PHEX: variants seen among roughly 807,000 people sequenced by gnomAD.
PHEX encodes the protein phosphate regulating endopeptidase X-linked.
Under a neutral mutation model 68.0 loss-of-function variants are expected in PHEX, and 16 were observed. The ratio of observed to expected loss-of-function variants is 0.24; its 90% CI spans 0.16 to 0.36. The LOEUF is 0.36. Ranked by LOEUF, PHEX falls within the 10% of genes least tolerant of loss-of-function variation. The probability of loss-of-function intolerance (pLI) is 1.00; values close to 1 mark genes in which losing one functional copy is unlikely to be tolerated. For synonymous variants in PHEX, 208 were observed against 205.1 expected, an observed-to-expected ratio of 1.01 and a Z score of -0.12; for missense variants, 480 against 575.5, an observed-to-expected ratio of 0.83 and a Z score of 1.70.
intron 12 of PHEX, among the ~76,000 whole-genome samples, chrX:22,150,651 C>G (rs776228102): frequency 4.1e-4 from 46 of 112,259 alleles, no homozygotes; most frequent in Non-Finnish European, 7.7e-4. Context: ...CAGGCTGTGA[C>G]TTGCCAACTT....
intron 12 of PHEX, among the ~76,000 whole-genome samples, chrX:22,153,989 G>A (rs1373098539): frequency 9.0e-6 from 1 of 111,583 alleles, no homozygotes; most frequent in Non-Finnish European, 1.9e-5. Context: ...ACTTACAGCT[G>A]CAAAGCATTT....
chrX:22,104,143 GA>G (rs1331340542), intron 9 of PHEX, among the ~76,000 whole-genome samples: 1 of 111,635 alleles, frequency 9.0e-6, no homozygotes, highest in African/African-American at 3.3e-5. Flanking sequence ...TTTTTGATGG[GA>G]TTGTTTGTTT....
chrX:22,138,479 C>G (rs1235147169), intron 12 of PHEX, among the ~76,000 whole-genome samples: 1 of 111,746 alleles, frequency 8.9e-6, no homozygotes, highest in Non-Finnish European at 1.9e-5. Flanking sequence ...TCCTGGGAGT[C>G]TAGGGGAGCT....
At chrX:22,200,815 G>A (rs1934526540) in intron 15 of PHEX, among the ~76,000 whole-genome samples, 1 of 110,452 alleles carries the variant, frequency 9.1e-6, no homozygotes, top group Non-Finnish European at 1.9e-5. Flanking sequence ...CAGCCAGGAG[G>A]TGAGAGTGAG....
At chrX:22,093,355 A>G (rs1156403105) in intron 6 of PHEX, among the ~76,000 whole-genome samples, 5 of 112,037 alleles carry the variant, frequency 4.5e-5, no homozygotes, top group Admixed American at 9.5e-5. Flanking sequence ...AAATGGGTTT[A>G]TGAGTATGTA....
At chrX:22,187,347 C>T (rs1225955143) in intron 14 of PHEX, among the ~76,000 whole-genome samples, 1 of 111,706 alleles carries the variant, frequency 9.0e-6, no homozygotes, top group Non-Finnish European at 1.9e-5. Flanking sequence ...ACTCTTTGTT[C>T]TCAGAGGGAT....
In PHEX at chrX:22,249,455, A is replaced by AAAAATATATATATATATATATAT; in HGVS notation, c.*1503_*1504insAAATATATATATATATATATATA. The stretch of plus-strand genomic sequence containing the variant: ...TTGTGATTCTTTTAAAAAAAAAAAA[A>AAAAATATATATATATATATATAT]ATATATATATATATATATATATATA... On this transcript the variant is annotated 3_prime_UTR_variant, in exon 22 of 22. Coordinates refer to ENST00000379374, the MANE Select transcript of PHEX (RefSeq NM_000444.6). The AAAAATATATATATATATATATAT allele has an allele frequency of 1.0e-4, 4 of 39,750 alleles. No homozygotes were observed. The highest frequency in any genetic ancestry group is 1.7e-4 in the African/African-American group (1 of 6,017). The allele number at this position is 39,750 out of a possible 1,213,427, so 3.3% of individuals were successfully genotyped here.
At chrX:22,236,574 C>T (rs1019105328) in intron 20 of PHEX, among the ~76,000 whole-genome samples, 4 of 112,852 alleles carry the variant, frequency 3.5e-5, no homozygotes, top group African/African-American at 1.3e-4. Flanking sequence ...CAAACTAGGG[C>T]CAAATATGGC....
At chrX:22,176,967 C>T (rs1933731088) in intron 13 of PHEX, among the ~76,000 whole-genome samples, 1 of 110,975 alleles carries the variant, frequency 9.0e-6, no homozygotes, top group African/African-American at 3.3e-5. Flanking sequence ...AATTTGTTGG[C>T]CAAGCAGAAC....
intron 15 of PHEX, among the ~76,000 whole-genome samples, chrX:22,198,729 T>A (rs149562862): frequency 0.013 from 1,494 of 111,423 alleles, 26 homozygotes; most frequent in African/African-American, 0.047. Context: ...GTGGGTCATG[T>A]CAAAGAACAG....
At chrX:22,147,262 A>G (rs1417584985) in intron 12 of PHEX, among the ~76,000 whole-genome samples, 10 of 111,264 alleles carry the variant, frequency 9.0e-5, no homozygotes, top group Non-Finnish European at 1.9e-5. Flanking sequence ...TTGACTTTTA[A>G]TTTCATGGGG....
intron 20 of PHEX, among the ~76,000 whole-genome samples, chrX:22,228,389 C>G (rs746684043): frequency 1.8e-5 from 2 of 111,951 alleles, no homozygotes; most frequent in Non-Finnish European, 3.8e-5. Context: ...ACCTTTTGTT[C>G]CTAAGTCTGT....
intron 12 of PHEX, among the ~76,000 whole-genome samples, chrX:22,139,637 C>T (rs772486109): frequency 6.2e-4 from 68 of 109,274 alleles, no homozygotes; most frequent in African/African-American, 2.2e-3. Context: ...CCCCACCCAC[C>T]TTAGCCTTCT....
chrX:22,090,846 C>T (rs916721307), intron 6 of PHEX, among the ~76,000 whole-genome samples: 1 of 111,862 alleles, frequency 8.9e-6, no homozygotes, highest in Non-Finnish European at 1.9e-5. Flanking sequence ...ACCCAGGAGA[C>T]AGATGGTTCC....
At position 22,060,589 on chromosome X, in the gene PHEX, G is replaced by GA. The variant is rs1278520679; in HGVS notation, c.349+13385dup. Reference sequence around the variant, plus strand: ...AATGCTATGCATGGGAATATTGGCTGAAAAAAATGAATGGGAAAGCAGACA... The same window carrying GA: ...AATGCTATGCATGGGAATATTGGCTGAAAAAAAATGAATGGGAAAGCAGACA... On this transcript the variant is annotated intron_variant, in intron 3 of 21. Coordinates refer to ENST00000379374, the MANE Select transcript of PHEX (RefSeq NM_000444.6). 2.7e-4 allele frequency among the ~76,000 whole-genome samples: 30 copies of GA among 111,886 alleles called. 1 individual carries two copies. Among genetic ancestry groups the GA allele is most frequent in the Non-Finnish European group, 7.5e-5 (4 of 53,121 alleles).
chrX:22,227,424 A>G (rs1935543666), intron 19 of PHEX, 83 bp from the exon 20 acceptor site: 3 of 632,696 alleles, frequency 4.7e-6, no homozygotes, highest in Non-Finnish European at 8.1e-6. Context: ...TGGCAGGAGT[A>G]TATATTTGCT....
intron 12 of PHEX, among the ~76,000 whole-genome samples, chrX:22,148,617 C>T (rs1275116725): frequency 9.0e-6 from 1 of 110,896 alleles, no homozygotes; most frequent in Non-Finnish European, 1.9e-5. Flanking sequence ...GCCCTTTAAT[C>T]AAAATCTCCC....
At chrX:22,244,486 C>A (rs1936332480) in intron 20 of PHEX, among the ~76,000 whole-genome samples, 1 of 110,473 alleles carries the variant, frequency 9.1e-6, no homozygotes, top group African/African-American at 3.3e-5. Flanking sequence ...CCTGTAATCC[C>A]AGGTACTTGG....
At chrX:22,122,706 C>T (rs1417478245) in intron 11 of PHEX, among the ~76,000 whole-genome samples, 1 of 111,491 alleles carries the variant, frequency 9.0e-6, no homozygotes, top group Non-Finnish European at 1.9e-5. Flanking sequence ...TTGATTTTGG[C>T]CAGGCTGGCT....
Sources: gnomAD v4.1 joint callset for allele counts (sites outside exome capture counted in the v4.1 genomes callset) on GRCh38, gnomAD v4.1.1 for gene constraint, MANE v1.5 for transcripts, NCBI Gene and HGNC (gene_info 2026-07-23, HGNC 2026-07-21) for gene names.